SMYD3: variants seen among roughly 807,000 people sequenced by gnomAD.
SMYD3 encodes SET and MYND domain containing 3, also known as histone-lysine N-methyltransferase SMYD3.
A neutral mutation model predicts 57.7 loss-of-function variants in SMYD3; 36 were observed. The ratio of observed to expected loss-of-function variants is 0.62; its 90% CI spans 0.48 to 0.82. The LOEUF (loss-of-function observed/expected upper bound fraction) is 0.82. Ranked by LOEUF, SMYD3 falls within the 40% of genes least tolerant of loss-of-function variation. SMYD3 has a pLI of 0.00. For synonymous variants in SMYD3, 211 were observed against 195.0 expected, an observed-to-expected ratio of 1.08 and a Z score of -0.68; for missense variants, 515 against 538.8, an observed-to-expected ratio of 0.96 and a Z score of 0.44.
At chr1:245,909,509 C>T (rs2054817315) in intron 8 of SMYD3, among the ~76,000 whole-genome samples, 1 of 151,894 alleles carries the variant, frequency 6.6e-6, no homozygotes, top group Non-Finnish European at 1.5e-5. Flanking sequence ...TAGACAAAGG[C>T]ACAACAACAA....
chr1:246,191,829 G>T (rs2062743529), intron 5 of SMYD3, among the ~76,000 whole-genome samples: 1 of 152,104 alleles, frequency 6.6e-6, no homozygotes, highest in Admixed American at 6.5e-5. Context: ...CTGAAGTATG[G>T]CCACGGACCA....
chr1:246,351,087 A>G (rs1002296879), intron 2 of SMYD3, among the ~76,000 whole-genome samples: 1 of 152,222 alleles, frequency 6.6e-6, no homozygotes, highest in South Asian at 2.1e-4. Flanking sequence ...ATGTGGGATT[A>G]ATTTTCTACC....
intron 5 of SMYD3, among the ~76,000 whole-genome samples, chr1:246,313,298 C>T (rs898652819): frequency 6.6e-6 from 1 of 152,090 alleles, no homozygotes; most frequent in South Asian, 2.1e-4. Flanking sequence ...TTTTGAGGCC[C>T]CCAAACAATA....
chr1:246,105,468 T>C (rs1286101825), intron 5 of SMYD3, among the ~76,000 whole-genome samples: 1 of 152,220 alleles, frequency 6.6e-6, no homozygotes, highest in Non-Finnish European at 1.5e-5. Flanking sequence ...CCCCCTTGTC[T>C]GTGACCCTTC....
chr1:246,375,108 T>C (rs1312485055), intron 1 of SMYD3, among the ~76,000 whole-genome samples: 1 of 151,812 alleles, frequency 6.6e-6, no homozygotes, highest in Non-Finnish European at 1.5e-5. Flanking sequence ...TTAAAAAAAA[T>C]AAAATAAGGT....
chr1:246,258,283 C>G (rs574963266), intron 5 of SMYD3, among the ~76,000 whole-genome samples: 1 of 152,122 alleles, frequency 6.6e-6, no homozygotes, highest in Non-Finnish European at 1.5e-5. Flanking sequence ...GATCCGCCCA[C>G]CTCGGCCTCC....
chr1:246,236,755 AC>A (rs1163342834), intron 5 of SMYD3, among the ~76,000 whole-genome samples: 8 of 151,764 alleles, frequency 5.3e-5, no homozygotes, highest in African/African-American at 1.9e-4. Flanking sequence ...AAAGTGATCT[AC>A]CCACCTCAGC....
chr1:246,500,099 G>A (rs2068434626), intron 1 of SMYD3, among the ~76,000 whole-genome samples: 1 of 152,128 alleles, frequency 6.6e-6, no homozygotes, highest in East Asian at 1.9e-4. Context: ...TGCTCCTTGG[G>A]AAACTGGTTG....
intron 5 of SMYD3, among the ~76,000 whole-genome samples, chr1:246,267,866 A>G (rs1463137142): frequency 6.6e-6 from 1 of 152,246 alleles, no homozygotes; most frequent in Non-Finnish European, 1.5e-5. Flanking sequence ...ACAGATTTCT[A>G]TTCCCAAAGT....
chr1:246,394,448 A>G (rs1319485667), intron 1 of SMYD3, among the ~76,000 whole-genome samples: 1 of 152,248 alleles, frequency 6.6e-6, no homozygotes, highest in Non-Finnish European at 1.5e-5. Flanking sequence ...ATGTAAACAT[A>G]CAGCAGGAAC....
intron 1 of SMYD3, among the ~76,000 whole-genome samples, chr1:246,503,411 G>A (rs766045970): frequency 9.9e-5 from 15 of 152,164 alleles, no homozygotes; most frequent in South Asian, 4.1e-4. Context: ...AACATACAGC[G>A]ACTTCAAGTT....
intron 8 of SMYD3, among the ~76,000 whole-genome samples, chr1:245,870,729 CACTGTGAATT>C (rs1180093834): frequency 8.5e-5 from 13 of 152,086 alleles, no homozygotes; most frequent in African/African-American, 2.4e-4. Flanking sequence ...TACCAGTAGT[CACTGTGAATT>C]ACAAAGCTAC....
intron 5 of SMYD3, among the ~76,000 whole-genome samples, chr1:246,171,067 T>C (rs1265707479): frequency 2.0e-5 from 3 of 152,190 alleles, no homozygotes; most frequent in African/African-American, 7.2e-5. Flanking sequence ...TTTCAGTACA[T>C]GTTATGGTTC....
At chr1:245,946,076 A>C (rs2057419185) in intron 5 of SMYD3, among the ~76,000 whole-genome samples, 1 of 152,226 alleles carries the variant, frequency 6.6e-6, no homozygotes, top group Non-Finnish European at 1.5e-5. Context: ...ATGTTTACAT[A>C]TGTAACAAAC....
chr1:245,775,166 C>T (rs2046523154), intron 10 of SMYD3, among the ~76,000 whole-genome samples: 1 of 152,136 alleles, frequency 6.6e-6, no homozygotes, highest in African/African-American at 2.4e-5. Context: ...GCCGCCCCCT[C>T]CAAGAGGTGG....
At chr1:245,791,593 G>C (rs1367595461) in intron 10 of SMYD3, among the ~76,000 whole-genome samples, 3 of 143,270 alleles carry the variant, frequency 2.1e-5, no homozygotes, top group Admixed American at 2.1e-4. Context: ...GGAAAGGAAT[G>C]GGGGGAGAGG....
chr1:245,917,220 T>C (rs2055498253), intron 7 of SMYD3, among the ~76,000 whole-genome samples: 1 of 152,124 alleles, frequency 6.6e-6, no homozygotes, highest in Non-Finnish European at 1.5e-5. Context: ...CTTGTAGAGA[T>C]GGAGTTTCGC....
At chr1:245,835,353 C>T (rs183090400) in intron 10 of SMYD3, among the ~76,000 whole-genome samples, 143 of 152,154 alleles carry the variant, frequency 9.4e-4, no homozygotes, top group African/African-American at 3.2e-3. Context: ...CTCTTGACCT[C>T]GTGATCTGCC....
intron 1 of SMYD3, among the ~76,000 whole-genome samples, chr1:246,492,260 AAAT>A (rs1397652181): frequency 2.0e-5 from 3 of 152,230 alleles, no homozygotes; most frequent in African/African-American, 7.2e-5. Flanking sequence ...AGAGATTAAA[AAAT>A]AATGATGCCT....
Sources: gnomAD v4.1 joint callset for allele counts (sites outside exome capture counted in the v4.1 genomes callset) on GRCh38, gnomAD v4.1.1 for gene constraint, MANE v1.5 for transcripts, NCBI Gene and HGNC (gene_info 2026-07-23, HGNC 2026-07-21) for gene names.